The following TMEM244 variants were observed in gnomAD, a reference collection of about 807,000 sequenced individuals.
TMEM244 encodes putative transmembrane protein 244.
In TMEM244, 13 loss-of-function variants were observed where a neutral mutation model predicts 15.8. The ratio of observed to expected loss-of-function variants is 0.82; its 90% CI spans 0.53 to 1.30. The LOEUF (loss-of-function observed/expected upper bound fraction) is 1.30, where lower values mean the gene tolerates loss of function less well. Ranked by LOEUF, TMEM244 falls within the 50% of genes most tolerant of loss-of-function variation. TMEM244 has a pLI of 0.00. For synonymous variants in TMEM244, 45 were observed against 48.7 expected, an observed-to-expected ratio of 0.92 and a Z score of 0.32; for missense variants, 161 against 144.9, an observed-to-expected ratio of 1.11 and a Z score of -0.57.
At chr6:129,838,497 T>C (rs1367941869) in intron 3 of TMEM244, among the ~76,000 whole-genome samples, 4 of 152,024 alleles carry the variant, frequency 2.6e-5, no homozygotes, top group Admixed American at 1.3e-4. Flanking sequence ...AGAGCTAAAA[T>C]TGACACCCTA....
intron 1 of TMEM244, among the ~76,000 whole-genome samples, chr6:129,855,011 C>G (rs1776685818): frequency 6.6e-6 from 1 of 152,118 alleles, no homozygotes; most frequent in South Asian, 2.1e-4. Context: ...TAAGAAACCT[C>G]TCAGGTGATT....
intron 1 of TMEM244, among the ~76,000 whole-genome samples, chr6:129,858,401 T>C (rs1158676914): frequency 6.6e-6 from 1 of 152,166 alleles, no homozygotes; most frequent in African/African-American, 2.4e-5. Flanking sequence ...CCTTGTGTGA[T>C]TTTGCAAAGC....
chr6:129,832,429 A>G (rs1416204007), intron 4 of TMEM244, among the ~76,000 whole-genome samples: 1 of 152,182 alleles, frequency 6.6e-6, no homozygotes, highest in Non-Finnish European at 1.5e-5. Flanking sequence ...AGATCAGGGC[A>G]CTGAAAATAT....
At chr6:129,840,848 G>A (rs1331341418) in intron 3 of TMEM244, among the ~76,000 whole-genome samples, 1 of 152,172 alleles carries the variant, frequency 6.6e-6, no homozygotes, top group Non-Finnish European at 1.5e-5. Context: ...GGTCATCAGA[G>A]AAATGCAAAT....
Position 129,835,208 on chromosome 6 carries a change from C to A in TMEM244, c.194-1623G>T, listed in dbSNP as rs542220391. Among the ~76,000 whole-genome samples the A allele has an allele frequency of 1.5e-4, 23 of 151,796 alleles. 1 individual carries two copies. The highest frequency in any genetic ancestry group is 5.6e-4 in the African/African-American group (23 of 41,378). On this transcript the variant is annotated intron_variant, in intron 3 of 4. Transcript: ENST00000368143. ...GCTAGGAGTTCAAGGCCACACTGGG[C>A]AATATAGCAAGACTCTGTCTCTAAA...
intron 1 of TMEM244, among the ~76,000 whole-genome samples, chr6:129,857,608 C>G (rs2114647960): frequency 6.6e-6 from 1 of 152,162 alleles, no homozygotes; most frequent in Non-Finnish European, 1.5e-5. Context: ...GATCCACCCG[C>G]CTTGGCCTCC....
intron 1 of TMEM244, among the ~76,000 whole-genome samples, chr6:129,847,753 C>T (rs1362276890): frequency 2.6e-5 from 4 of 151,248 alleles, no homozygotes; most frequent in African/African-American, 9.7e-5. Flanking sequence ...ATCTCACATT[C>T]CTTGTTTCTT....
rs572576921 is a variant in TMEM244, at chr6:129,845,623, A to G, written c.119+144T>C. On this transcript the variant is annotated intron_variant, in intron 2 of 4. Coordinates refer to ENST00000368143, the MANE Select transcript of TMEM244 (RefSeq NM_001010876.2). ...GCAAGACCTTGTCTCTACCAAAAAT[A>G]AAAAATAAATAAAAGTAAGAAACTA... 1.3e-3 allele frequency: 921 copies of G among 695,692 alleles called. 2 individuals are homozygous for G. Among genetic ancestry groups the G allele is most frequent in the Non-Finnish European group, 1.7e-3 (720 of 419,212 alleles). The allele number at this position is 695,692 out of a possible 1,614,324, so 43.1% of individuals were successfully genotyped here. A position where few individuals can be genotyped will look rare whatever the true frequency, so the allele number is the denominator to read the frequency against.
At chr6:129,859,549 A>C (rs1386021014) in intron 1 of TMEM244, among the ~76,000 whole-genome samples, 3 of 152,248 alleles carry the variant, frequency 2.0e-5, no homozygotes, top group Non-Finnish European at 4.4e-5. Flanking sequence ...TTACAGAGGA[A>C]AGTTTACATT....
At chr6:129,845,057 T>A (rs9492398) in intron 2 of TMEM244, among the ~76,000 whole-genome samples, 11,194 of 152,168 alleles carry the variant, frequency 0.074, 481 homozygotes, top group Non-Finnish European at 0.091. Flanking sequence ...AAAAATAATG[T>A]TTTACACTTA....
At chr6:129,849,769 G>A (rs1776610392) in intron 1 of TMEM244, among the ~76,000 whole-genome samples, 1 of 152,034 alleles carries the variant, frequency 6.6e-6, no homozygotes, top group Non-Finnish European at 1.5e-5. Flanking sequence ...GCAAGAATGA[G>A]TCAAGAAATG....
intron 1 of TMEM244, among the ~76,000 whole-genome samples, chr6:129,855,448 C>T (rs1776692739): frequency 6.6e-6 from 1 of 152,068 alleles, no homozygotes; most frequent in Non-Finnish European, 1.5e-5. Flanking sequence ...TAAGTATTTT[C>T]CCCAAATTCT....
intron 1 of TMEM244, among the ~76,000 whole-genome samples, chr6:129,850,883 C>T (rs1353567284): frequency 2.0e-5 from 3 of 152,156 alleles, no homozygotes; most frequent in Admixed American, 6.5e-5. Flanking sequence ...GTGGCTGCCA[C>T]GGTGGACAAG....
At chr6:129,857,850 A>ATATG (rs1776738365) in intron 1 of TMEM244, among the ~76,000 whole-genome samples, 3 of 148,684 alleles carry the variant, frequency 2.0e-5, no homozygotes, top group Non-Finnish European at 3.0e-5. Context: ...GTACATATAT[A>ATATG]TGTATATATA....
chr6:129,834,579 G>C (rs890821652), intron 3 of TMEM244, among the ~76,000 whole-genome samples: 1 of 152,144 alleles, frequency 6.6e-6, no homozygotes, highest in Non-Finnish European at 1.5e-5. Context: ...GATTGCAGTC[G>C]GTAAGCGAGA....
At chr6:129,846,446 A>G (rs1038097409) in intron 1 of TMEM244, among the ~76,000 whole-genome samples, 6 of 152,286 alleles carry the variant, frequency 3.9e-5, no homozygotes, top group African/African-American at 1.2e-4. Flanking sequence ...ATAGAGATAC[A>G]CTTACTTTTC....
At chr6:129,854,313 T>C (rs1776674934) in intron 1 of TMEM244, among the ~76,000 whole-genome samples, 1 of 152,152 alleles carries the variant, frequency 6.6e-6, no homozygotes, top group Non-Finnish European at 1.5e-5. Flanking sequence ...CAGTTATGAT[T>C]GGTCAGAGTC....
At chr6:129,854,575 CAT>C (rs1008393403) in intron 1 of TMEM244, among the ~76,000 whole-genome samples, 1 of 152,144 alleles carries the variant, frequency 6.6e-6, no homozygotes, top group African/African-American at 2.4e-5. Context: ...TCCAAATAAA[CAT>C]GTGGGTTAGT....
At chr6:129,841,121 A>G (rs2114637016) in intron 3 of TMEM244, among the ~76,000 whole-genome samples, 1 of 152,342 alleles carries the variant, frequency 6.6e-6, no homozygotes, top group Middle Eastern at 3.4e-3. Flanking sequence ...AGACACATGC[A>G]CACATATGTT....
Sources: gnomAD v4.1 joint callset for allele counts (sites outside exome capture counted in the v4.1 genomes callset) on GRCh38, gnomAD v4.1.1 for gene constraint, MANE v1.5 for transcripts, NCBI Gene and HGNC (gene_info 2026-07-23, HGNC 2026-07-21) for gene names.